ABTB2: variants seen among roughly 807,000 people sequenced by gnomAD.
The protein encoded by ABTB2 is ankyrin repeat and BTB/POZ domain-containing protein 2.
Under a neutral mutation model 104.1 loss-of-function variants are expected in ABTB2, and 56 were observed. The observed-to-expected ratio is 0.54, with a 90% CI of 0.43 to 0.67. The LOEUF is 0.67. Ranked by LOEUF, ABTB2 falls within the 30% of genes least tolerant of loss-of-function variation. The pLI, the probability that ABTB2 is intolerant of heterozygous loss-of-function variation, is 0.00. For missense variants in ABTB2, 1,279 were observed against 1,407.7 expected, an observed-to-expected ratio of 0.91 and a Z score of 1.46; for synonymous variants, 606 against 608.2, an observed-to-expected ratio of 1.00 and a Z score of 0.05.
At chr11:34,161,139 A>T in intron 10 of ABTB2, 58 bp from the exon 11 acceptor site, 3 of 1,488,330 alleles carry the variant, frequency 2.0e-6, no homozygotes, top group Non-Finnish European at 1.8e-6. Flanking sequence ...CTCCCGGCAC[A>T]GACCACAGCC....
At chr11:34,165,848 G>T (rs1374888106) in intron 7 of ABTB2, among the ~76,000 whole-genome samples, 1 of 152,242 alleles carries the variant, frequency 6.6e-6, no homozygotes, top group African/African-American at 2.4e-5. Flanking sequence ...TGGGAAGAGG[G>T]GCTTGCTTCC....
Position 34,151,664 on chromosome 11 carries a change from A to ACTT in ABTB2, c.*720_*722dup, listed in dbSNP as rs2092723720. On this transcript the variant is annotated 3_prime_UTR_variant, in exon 17 of 17. Transcript: ENST00000435224. ...CCTACCCCTTGCCCCTCCATGCCAG[A>ACTT]CTTAGCTCAGAAACCATCAAGCTGG... 1 of 152,338 alleles carries ACTT rather than the reference A, an allele frequency of 6.6e-6. No individual in the cohort carries two copies. Among genetic ancestry groups the ACTT allele is most frequent in the Admixed American group, 6.5e-5 (1 of 15,278 alleles). 9.4% of individuals were successfully genotyped at this position (152,338 alleles called of 1,614,324 possible).
chr11:34,214,798 T>C (rs1853530055), intron 1 of ABTB2, among the ~76,000 whole-genome samples: 1 of 152,208 alleles, frequency 6.6e-6, no homozygotes, highest in Non-Finnish European at 1.5e-5. Flanking sequence ...TTATTCTTCA[T>C]ACTTTTTAAC....
At chr11:34,255,130 G>C (rs1046297645) in intron 1 of ABTB2, among the ~76,000 whole-genome samples, 1 of 152,178 alleles carries the variant, frequency 6.6e-6, no homozygotes, top group African/African-American at 2.4e-5. Context: ...GCCATTTACA[G>C]ATGAGAAAAC....
intron 1 of ABTB2, among the ~76,000 whole-genome samples, chr11:34,311,086 T>C (rs940166300): frequency 6.6e-6 from 1 of 152,162 alleles, no homozygotes; most frequent in Non-Finnish European, 1.5e-5. Context: ...TCTGACCTTC[T>C]TGGCCTTGGG....
chr11:34,179,312 C>T (rs1690157118), intron 3 of ABTB2, among the ~76,000 whole-genome samples: 1 of 152,184 alleles, frequency 6.6e-6, no homozygotes, highest in Admixed American at 6.5e-5. Context: ...CAAATAACTT[C>T]TTGTTATGAA....
intron 1 of ABTB2, among the ~76,000 whole-genome samples, chr11:34,256,557 G>A (rs1854125448): frequency 6.6e-6 from 1 of 152,176 alleles, no homozygotes; most frequent in South Asian, 2.1e-4. Context: ...CAGTTGTAGG[G>A]GGTTTGTTTG....
At chr11:34,272,723 A>AC (rs1230908457) in intron 1 of ABTB2, among the ~76,000 whole-genome samples, 2 of 150,310 alleles carry the variant, frequency 1.3e-5, no homozygotes, top group Admixed American at 1.3e-4. Flanking sequence ...AAAAAAAAAA[A>AC]AAAAAAAACC....
At chr11:34,216,654 G>A (rs1853551891) in intron 1 of ABTB2, among the ~76,000 whole-genome samples, 1 of 152,202 alleles carries the variant, frequency 6.6e-6, no homozygotes, top group South Asian at 2.1e-4. Context: ...AGGAGGCTGA[G>A]GCAGGAGAAT....
intron 1 of ABTB2, among the ~76,000 whole-genome samples, chr11:34,273,870 T>G (rs1565156389): frequency 6.6e-6 from 1 of 152,072 alleles, no homozygotes; most frequent in Non-Finnish European, 1.5e-5. Flanking sequence ...TAATGATATT[T>G]GGCCGGGCGC....
Position 34,357,095 on chromosome 11 carries a change from G to A in ABTB2, c.489C>T (p.Arg163=). The A allele has an allele frequency of 3.3e-6, 5 of 1,518,526 alleles. No individual in the cohort carries two copies. Among genetic ancestry groups the A allele is most frequent in the Non-Finnish European group, 3.5e-6 (4 of 1,137,160 alleles). 94.1% of individuals were successfully genotyped at this position (1,518,526 alleles called of 1,614,324 possible). A position where few individuals can be genotyped will look rare whatever the true frequency, so the allele number is the denominator to read the frequency against. The part of the protein sequence containing the change: ...CTRFEVQSAV[R]LVHSWALAES... ...CGGCCAGCGCCCAGCTGTGCACCAG[G>A]CGCACGGCGCTCTGCACCTCAAAGC... Residue 163 remains arginine (R), a synonymous_variant, in exon 1 of 17, where the codon CGC becomes CGT. Transcript: ENST00000435224.
At chr11:34,248,812 C>G (rs1028240152) in intron 1 of ABTB2, among the ~76,000 whole-genome samples, 1 of 152,212 alleles carries the variant, frequency 6.6e-6, no homozygotes, top group Non-Finnish European at 1.5e-5. Context: ...CTAGTAAATA[C>G]AGGAAAACTA....
At chr11:34,322,291 G>C (rs1284805158) in intron 1 of ABTB2, among the ~76,000 whole-genome samples, 1 of 152,206 alleles carries the variant, frequency 6.6e-6, no homozygotes, top group African/African-American at 2.4e-5. Context: ...TTTGGGTATA[G>C]ACTAAGTACT....
intron 1 of ABTB2, among the ~76,000 whole-genome samples, chr11:34,331,475 C>T (rs890789761): frequency 1.3e-5 from 2 of 152,150 alleles, no homozygotes; most frequent in Admixed American, 6.5e-5. Flanking sequence ...TTTTGGACTC[C>T]TTCCCATCCT....
chr11:34,191,089 C>T (rs1233047168), intron 3 of ABTB2, among the ~76,000 whole-genome samples: 1 of 152,154 alleles, frequency 6.6e-6, no homozygotes, highest in Non-Finnish European at 1.5e-5. Context: ...AGGCTTATGG[C>T]ACCCTCCTCC....
chr11:34,351,558 A>G (rs893621724), intron 1 of ABTB2, among the ~76,000 whole-genome samples: 4 of 152,032 alleles, frequency 2.6e-5, no homozygotes, highest in African/African-American at 9.7e-5. Context: ...GACTCTATTC[A>G]TTGAGAACAA....
chr11:34,165,460 T>C, intron 7 of ABTB2, 104 bp from the exon 8 acceptor site: 1 of 892,478 alleles, frequency 1.1e-6, no homozygotes, highest in South Asian at 1.7e-5. Context: ...TCTCCAGGCA[T>C]GTGACCAAGA....
intron 1 of ABTB2, among the ~76,000 whole-genome samples, chr11:34,250,322 C>A (rs1185172778): frequency 2.0e-5 from 3 of 152,188 alleles, no homozygotes; most frequent in African/African-American, 7.2e-5. Flanking sequence ...TCTAGTACAA[C>A]CAGACTGCAA....
intron 1 of ABTB2, among the ~76,000 whole-genome samples, chr11:34,226,729 C>T (rs1373217828): frequency 1.3e-5 from 2 of 152,146 alleles, no homozygotes; most frequent in African/African-American, 4.8e-5. Flanking sequence ...GAAACCATAA[C>T]CACTATTTAA....
Sources: gnomAD v4.1 joint callset for allele counts (sites outside exome capture counted in the v4.1 genomes callset) on GRCh38, gnomAD v4.1.1 for gene constraint, MANE v1.5 for transcripts, NCBI Gene and HGNC (gene_info 2026-07-23, HGNC 2026-07-21) for gene names.